CSMD1: variants seen among roughly 807,000 people sequenced by gnomAD.
CSMD1 encodes CUB and sushi domain-containing protein 1.
CSMD1 carries 213 observed loss-of-function variants against 417.5 expected under a neutral mutation model. That is an observed-to-expected ratio of 0.51 (90% CI 0.46 to 0.57). CSMD1 has a LOEUF of 0.57. Ranked by LOEUF, CSMD1 falls within the 20% of genes least tolerant of loss-of-function variation. CSMD1 has a pLI of 0.00. For synonymous variants in CSMD1, 2,862 were observed against 1,736.8 expected (o/e 1.65, Z -16.11); for missense variants, 6,923 against 4,529.7 (o/e 1.53, Z -15.17).
At chr8:4,960,814 C>G (rs900259939) in intron 1 of CSMD1, among the ~76,000 whole-genome samples, 2 of 152,064 alleles carry the variant, frequency 1.3e-5, no homozygotes, top group African/African-American at 4.8e-5. Flanking sequence ...AATGGTAAAA[C>G]TATTTTATCA....
chr8:4,616,936 G>C (rs906990904), intron 2 of CSMD1, among the ~76,000 whole-genome samples: 3 of 148,468 alleles, frequency 2.0e-5, no homozygotes, highest in South Asian at 2.2e-4. Flanking sequence ...AATTCTGATT[G>C]TATTGTCTTT....
intron 11 of CSMD1, among the ~76,000 whole-genome samples, chr8:3,479,479 C>A (rs917812147): frequency 6.6e-6 from 1 of 152,020 alleles, no homozygotes; most frequent in Non-Finnish European, 1.5e-5. Context: ...GGGGTTTCTC[C>A]GTATTGGTCA....
At chr8:3,168,656 T>C (rs895112775) in intron 37 of CSMD1, among the ~76,000 whole-genome samples, 2 of 110,322 alleles carry the variant, frequency 1.8e-5, no homozygotes, top group African/African-American at 7.6e-5. Flanking sequence ...CACACACAAA[T>C]ATATATATAT....
At chr8:4,516,624 G>A (rs1207664676) in intron 2 of CSMD1, among the ~76,000 whole-genome samples, 4 of 152,116 alleles carry the variant, frequency 2.6e-5, no homozygotes, top group Admixed American at 6.6e-5. Flanking sequence ...AGCATCGCCT[G>A]ATAAAACCTG....
At chr8:4,726,448 T>C (rs1446056262) in intron 1 of CSMD1, among the ~76,000 whole-genome samples, 1 of 152,224 alleles carries the variant, frequency 6.6e-6, no homozygotes, top group Non-Finnish European at 1.5e-5. Flanking sequence ...ACTCCAGCTC[T>C]TTGTGCTCCT....
intron 3 of CSMD1, among the ~76,000 whole-genome samples, chr8:4,287,974 A>C (rs529448853): frequency 2.6e-5 from 4 of 152,178 alleles, no homozygotes; most frequent in African/African-American, 9.7e-5. Flanking sequence ...AGACAATATG[A>C]TAATAAAATT....
At chr8:3,120,652 G>C (rs1817145984) in intron 41 of CSMD1, among the ~76,000 whole-genome samples, 1 of 151,580 alleles carries the variant, frequency 6.6e-6, no homozygotes, top group Admixed American at 6.6e-5. Context: ...ATTGAGACCA[G>C]CCTGAACAAC....
intron 4 of CSMD1, among the ~76,000 whole-genome samples, chr8:4,030,054 G>C (rs138691281): frequency 6.6e-6 from 1 of 152,204 alleles, no homozygotes; most frequent in East Asian, 1.9e-4. Flanking sequence ...GTGTACCCCT[G>C]TGACTTTGAA....
intron 3 of CSMD1, among the ~76,000 whole-genome samples, chr8:4,117,721 C>G (rs1585350468): frequency 6.6e-6 from 1 of 152,092 alleles, no homozygotes. Context: ...CATCACATAG[C>G]TTTTAGAGAA....
intron 3 of CSMD1, among the ~76,000 whole-genome samples, chr8:4,310,866 G>C (rs1798523425): frequency 6.6e-6 from 1 of 152,092 alleles, no homozygotes; most frequent in Non-Finnish European, 1.5e-5. Flanking sequence ...CTTCTCAAAA[G>C]AAAACTTACA....
At chr8:3,623,738 G>A (rs147836917) in intron 7 of CSMD1, among the ~76,000 whole-genome samples, 1 of 152,078 alleles carries the variant, frequency 6.6e-6, no homozygotes, top group South Asian at 2.1e-4. Flanking sequence ...CACTTTGGGA[G>A]GCCAAGGCAG....
chr8:3,616,919 G>A (rs1364744795), intron 7 of CSMD1, 122 bp from the exon 8 acceptor site: 3 of 603,270 alleles, frequency 5.0e-6, no homozygotes, highest in East Asian at 2.8e-5. Context: ...GATCTCCAAA[G>A]GAATTAAGAC....
chr8:4,413,326 G>A (rs529733345), intron 3 of CSMD1, among the ~76,000 whole-genome samples: 2 of 152,094 alleles, frequency 1.3e-5, no homozygotes, highest in African/African-American at 4.8e-5. Context: ...ACGCTCGTGG[G>A]GCTGCCCAAA....
rs534939192 is a variant in CSMD1 at position 3,407,979 on chromosome 8, G to A, written c.1991C>T (p.Ala664Val). The A allele has an allele frequency of 2.5e-6, 4 of 1,613,776 alleles. No homozygotes were observed. Among genetic ancestry groups the A allele is most frequent in the South Asian group, 1.1e-5 (1 of 91,052 alleles). Residue 664 changes from alanine to valine, a missense_variant, in exon 14 of 70, where the codon GCC becomes GTC. Ala to Val is a moderately conservative substitution (Grantham distance 64, BLOSUM62 0). Coordinates refer to ENST00000635120, the MANE Select transcript of CSMD1 (RefSeq NM_033225.6). ...FSGNEVPSQL[A>V]SSGHIVRLEF... ...CAAGCGAACTATATGCCCACTGCTG[G>A]CCAGCTGGGAAGGCACTTCATTGCC... is the stretch of plus-strand genomic sequence containing the variant.
At chr8:3,723,410 T>C (rs543209073) in intron 6 of CSMD1, among the ~76,000 whole-genome samples, 1 of 152,136 alleles carries the variant, frequency 6.6e-6, no homozygotes, top group Non-Finnish European at 1.5e-5. Context: ...AGAGAACACA[T>C]CATATTCACT....
intron 12 of CSMD1, among the ~76,000 whole-genome samples, chr8:3,437,109 T>A (rs1241493347): frequency 6.6e-6 from 1 of 152,168 alleles, no homozygotes; most frequent in Non-Finnish European, 1.5e-5. Context: ...GCAAACTCAT[T>A]TTCTTTGCTT....
chr8:3,041,498 G>C (rs1476877289), intron 50 of CSMD1, among the ~76,000 whole-genome samples: 1 of 152,148 alleles, frequency 6.6e-6, no homozygotes, highest in African/African-American at 2.4e-5. Flanking sequence ...ATTATCCATA[G>C]CATCAGGTTA....
At chr8:3,674,967 G>C (rs1358368934) in intron 7 of CSMD1, among the ~76,000 whole-genome samples, 1 of 152,026 alleles carries the variant, frequency 6.6e-6, no homozygotes, top group Non-Finnish European at 1.5e-5. Context: ...ACATAAACAG[G>C]CACAAAAAGG....
In CSMD1 at chr8:3,148,821, T is replaced by C. The variant is rs560644283; in HGVS notation, c.6031+2576A>G. 3.3e-5 allele frequency among the ~76,000 whole-genome samples: 5 copies of C among 152,332 alleles called. No homozygotes were observed. In the East Asian group the frequency reaches 9.6e-4, roughly 29 times the overall value. ...CATGCCTCTCCTCCCAATTTCTCAC[T>C]TCGTATCTATTACTGTTTAGAGGTT... On this transcript the variant is annotated intron_variant, in intron 40 of 69. Coordinates refer to ENST00000635120, the MANE Select transcript of CSMD1 (RefSeq NM_033225.6).
Sources: gnomAD v4.1 joint callset for allele counts (sites outside exome capture counted in the v4.1 genomes callset) on GRCh38, gnomAD v4.1.1 for gene constraint, MANE v1.5 for transcripts, NCBI Gene and HGNC (gene_info 2026-07-23, HGNC 2026-07-21) for gene names.